Variants in CRYBG3 observed in about 807,000 individuals in gnomAD.
The protein encoded by CRYBG3 is crystallin beta-gamma domain containing 3.
In CRYBG3, 127 loss-of-function variants were observed where a neutral mutation model predicts 244.2. That is an observed-to-expected ratio of 0.52 (90% CI 0.45 to 0.60). The LOEUF (loss-of-function observed/expected upper bound fraction) is 0.60. Ranked by LOEUF, CRYBG3 falls within the 20% of genes least tolerant of loss-of-function variation. CRYBG3 has a pLI of 0.00. For synonymous variants in CRYBG3, 1,132 were observed against 1,195.8 expected, an observed-to-expected ratio of 0.95 and a Z score of 1.10; for missense variants, 3,325 against 3,442.5, an observed-to-expected ratio of 0.97 and a Z score of 0.85.
intron 17 of CRYBG3, chr3:97,933,073 C>T (rs1342254750): frequency 6.8e-6 from 3 of 439,886 alleles, no homozygotes; most frequent in Non-Finnish European, 9.0e-6. Flanking sequence ...TTTTATCATC[C>T]CCCCAAAAGT....
At chr3:97,929,178 A>ATCT (rs1190352580) in intron 17 of CRYBG3, among the ~76,000 whole-genome samples, 1 of 152,016 alleles carries the variant, frequency 6.6e-6, no homozygotes, top group Non-Finnish European at 1.5e-5. Context: ...AACTGCTGAC[A>ATCT]TCTAAGAAGA....
chr3:97,873,008 AT>A lies in CRYBG3; in HGVS notation c.1815del (p.Asn605LysfsTer7), dbSNP rs1276500598. On this transcript the variant is annotated frameshift_variant, in exon 4 of 22. Transcript: ENST00000389622. LOFTEE classifies it high-confidence loss of function. The stretch of plus-strand genomic sequence containing the variant: ...TCAGCAGTTGTAGCAAGCTTAGGAA[AT>A]GAAAATGCACCTGAGTTGAAATTTG... ...SESAVVASLG[N>X]ENAPELKFEL... The A allele has an allele frequency of 6.5e-7, 1 of 1,535,884 alleles. No individual in the cohort carries two copies.
At chr3:97,900,570 A>C in intron 15 of CRYBG3, 85 bp downstream of exon 15, 2 of 880,634 alleles carry the variant, frequency 2.3e-6, no homozygotes, top group Non-Finnish European at 3.7e-6. Context: ...TCTTTTCTGC[A>C]GATAACTTTT....
intron 17 of CRYBG3, among the ~76,000 whole-genome samples, chr3:97,930,627 G>T (rs543450077): frequency 3.7e-4 from 57 of 152,020 alleles, no homozygotes; most frequent in Non-Finnish European, 6.5e-4. Flanking sequence ...TTCTTTGCCA[G>T]TATCCTCTAA....
At chr3:97,941,435 A>G (rs2107111421) in intron 20 of CRYBG3, 129 bp downstream of exon 20, 1 of 579,528 alleles carries the variant, frequency 1.7e-6, no homozygotes, top group East Asian at 3.0e-5. Context: ...GATTATAAAA[A>G]TACTGCCATA....
Position 97,873,643 on chromosome 3 carries a change from G to C in CRYBG3, c.2449G>C (p.Glu817Gln). The change falls in exon 4 of 22, where the codon GAA becomes CAA. Residue 817 changes from glutamate to glutamine, a missense_variant. Glu to Gln is a conservative substitution (Grantham distance 29). Coordinates refer to ENST00000389622, the MANE Select transcript of CRYBG3 (RefSeq NM_153605.4). Reference sequence around the variant, plus strand: ...AACTGCTAACATTGTATCAAAAGCTGAAATTGATGGTCAGAACAATGTTCT... The same window carrying C: ...AACTGCTAACATTGTATCAAAAGCTCAAATTGATGGTCAGAACAATGTTCT... Reference protein sequence around the residue: ...AKTANIVSKAEIDGQNNVLVE... With the variant: ...AKTANIVSKAQIDGQNNVLVE... 2.0e-6 allele frequency: 3 copies of C among 1,534,696 alleles called. No homozygotes were observed. Among genetic ancestry groups the C allele is most frequent in the Non-Finnish European group, 2.6e-6 (3 of 1,146,392 alleles).
rs181500826 is a variant in CRYBG3, at chr3:97,827,536, A to G, written c.149+5181A>G. On this transcript the variant is annotated intron_variant, in intron 1 of 21. Transcript: ENST00000389622. ...AGGAGTTTTTAATTGGAAGTATGCT[A>G]AAGCACTGAAACAAGAGCTTAACCA... Among the ~76,000 whole-genome samples, 62 of 152,320 alleles carry G rather than the reference A, an allele frequency of 4.1e-4. No individual in the cohort carries two copies. The South Asian group carries it at 7.2e-3, about 18-fold the overall frequency.
chr3:97,861,225 T>G (rs2039143010), intron 2 of CRYBG3, among the ~76,000 whole-genome samples: 1 of 152,186 alleles, frequency 6.6e-6, no homozygotes, highest in Admixed American at 6.6e-5. Flanking sequence ...TCTTTGTGCA[T>G]ACTATGGCTT....
chr3:97,822,746 T>C (rs2038522356), intron 1 of CRYBG3, among the ~76,000 whole-genome samples: 2 of 152,196 alleles, frequency 1.3e-5, no homozygotes, highest in Admixed American at 6.5e-5. Flanking sequence ...TGGGAAACAC[T>C]TGTGAGCCGA....
chr3:97,888,537 A>T lies in CRYBG3; in HGVS notation c.7404+82A>T. The T allele has an allele frequency of 3.4e-6, 3 of 872,494 alleles. 1 individual carries two copies. In the South Asian group the frequency reaches 4.3e-5, roughly 12 times the overall value. The allele number at this position is 872,494 out of a possible 1,614,324, so 54.0% of individuals were successfully genotyped here. ...AAATAACCATGATGTTTGCTCATGC[A>T]TCTCAATCTCAAGTGAATATGTGTA... is the stretch of plus-strand genomic sequence containing the variant. On this transcript the variant is annotated intron_variant, in intron 9 of 21. Transcript: ENST00000389622.
chr3:97,827,396 G>A (rs1050564673), intron 1 of CRYBG3, among the ~76,000 whole-genome samples: 4 of 152,160 alleles, frequency 2.6e-5, no homozygotes, highest in African/African-American at 9.7e-5. Flanking sequence ...AGAACAAATC[G>A]AAGTTTTTCC....
At chr3:97,891,745 C>T (rs2039578703) in intron 10 of CRYBG3, among the ~76,000 whole-genome samples, 1 of 152,006 alleles carries the variant, frequency 6.6e-6, no homozygotes, top group South Asian at 2.1e-4. Context: ...AAGGTGGATG[C>T]CTAATGATTT....
rs886948511 is a variant in CRYBG3, at chr3:97,944,047, C to G, written c.*733C>G. The G allele has an allele frequency of 6.6e-6, 1 of 151,594 alleles. No homozygotes were observed. The allele number at this position is 151,594 out of a possible 1,614,324, so 9.4% of individuals were successfully genotyped here. On this transcript the variant is annotated 3_prime_UTR_variant, in exon 22 of 22. Transcript: ENST00000389622. ...AGACATCCCTTTAGGTGACAAGACTCTATAACAGTGGTTACCTGTCTCCAT... is the reference window on the plus strand; with the variant it reads ...AGACATCCCTTTAGGTGACAAGACTGTATAACAGTGGTTACCTGTCTCCAT...
chr3:97,889,306 T>A (rs2108230769), intron 9 of CRYBG3, 49 bp from the exon 10 acceptor site: 1 of 1,386,094 alleles, frequency 7.2e-7, no homozygotes, highest in South Asian at 1.2e-5. Flanking sequence ...TACATTCAAA[T>A]GTTTTAAATA....
chr3:97,843,509 T>A (rs568205963), intron 2 of CRYBG3, among the ~76,000 whole-genome samples: 1 of 152,312 alleles, frequency 6.6e-6, no homozygotes, highest in Admixed American at 6.5e-5. Context: ...AACCCAACTG[T>A]GTGATCTTCA....
intron 21 of CRYBG3, 75 bp downstream of exon 21, chr3:97,942,518 A>G: frequency 7.6e-7 from 1 of 1,323,458 alleles, no homozygotes. Context: ...TTTTGGGTAA[A>G]GGACATCCTT....
chr3:97,875,700 T>C lies in CRYBG3; in HGVS notation c.4506T>C (p.Cys1502=), dbSNP rs1576538149. Residue 1502 remains cysteine, a synonymous_variant, in exon 4 of 22, where the codon TGT becomes TGC. Transcript: ENST00000389622. The part of the protein sequence containing the change: ...SKSSLSDSLV[C]ISEKNLPGHS... ...GCAGTTTGTCTGATAGCCTTGTATG[T>C]ATATCTGAAAAAAACTTGCCAGGAC... 9.7e-6 allele frequency: 12 copies of C among 1,232,430 alleles called. No homozygotes were observed. The East Asian group carries it at 3.2e-4, about 32-fold the overall frequency. 76.3% of individuals were successfully genotyped at this position (1,232,430 alleles called of 1,614,324 possible). A position where few individuals can be genotyped will look rare whatever the true frequency, so the allele number is the denominator to read the frequency against.
chr3:97,893,140 T>C, intron 11 of CRYBG3, 147 bp downstream of exon 11: 1 of 691,872 alleles, frequency 1.4e-6, no homozygotes, highest in Non-Finnish European at 2.4e-6. Flanking sequence ...TATTAGTTAC[T>C]TATGGTTTTC....
intron 17 of CRYBG3, among the ~76,000 whole-genome samples, chr3:97,922,816 G>A (rs2039997002): frequency 6.6e-6 from 1 of 152,136 alleles, no homozygotes; most frequent in African/African-American, 2.4e-5. Context: ...AATACCATTT[G>A]ACCCAGCAAT....
Sources: allele counts gnomAD v4.1 joint callset (sites outside exome capture counted in the v4.1 genomes callset), GRCh38; gene constraint gnomAD v4.1.1; transcripts MANE v1.5; gene names NCBI Gene and HGNC (gene_info 2026-07-23, HGNC 2026-07-21).